Variants in SLC12A2 observed in about 807,000 individuals in gnomAD.
The protein encoded by SLC12A2 is Na-K-2Cl cotransporter 1.
SLC12A2 carries 67 observed loss-of-function variants against 136.3 expected under a neutral mutation model. That is an observed-to-expected ratio of 0.49 (90% confidence interval 0.40 to 0.60). The LOEUF (loss-of-function observed/expected upper bound fraction) is 0.60. Among genes scored for constraint, SLC12A2 ranks in the 20% least tolerant of loss-of-function variants. SLC12A2 has a pLI of 0.00. For missense variants in SLC12A2, 1,322 were observed against 1,534.7 expected (o/e 0.86, Z 2.32); for synonymous variants, 619 against 562.9 (o/e 1.10, Z -1.41).
chr5:128,177,865 G>A (rs939536917), intron 21 of SLC12A2, among the ~76,000 whole-genome samples: 2 of 152,018 alleles, frequency 1.3e-5, no homozygotes, highest in Non-Finnish European at 2.9e-5. Flanking sequence ...TTAACTCCTG[G>A]GAATATAAAT....
intron 4 of SLC12A2, among the ~76,000 whole-genome samples, chr5:128,116,100 CA>C (rs1349711164): frequency 3.3e-5 from 5 of 152,122 alleles, no homozygotes; most frequent in African/African-American, 4.8e-5. Context: ...CTCTCTGCCA[CA>C]ACTGGGGAAT....
At chr5:128,116,118 G>A (rs945348586) in intron 4 of SLC12A2, among the ~76,000 whole-genome samples, 5 of 152,154 alleles carry the variant, frequency 3.3e-5, no homozygotes, top group African/African-American at 1.2e-4. Context: ...GAATGAAAGT[G>A]GGAAGAGAAA....
intron 1 of SLC12A2, 100 bp from the exon 2 acceptor site, chr5:128,112,714 C>T: frequency 6.1e-6 from 5 of 825,618 alleles, no homozygotes; most frequent in South Asian, 2.0e-5. Context: ...TGTACTATGC[C>T]CTCTTAAATA....
At chr5:128,159,634 A>G (rs1331300777) in intron 16 of SLC12A2, among the ~76,000 whole-genome samples, 1 of 152,246 alleles carries the variant, frequency 6.6e-6, no homozygotes, top group Non-Finnish European at 1.5e-5. Context: ...AAACATATGA[A>G]AAAAAGCTCA....
intron 18 of SLC12A2, chr5:128,168,209 AC>A (rs1763264695): frequency 1.2e-5 from 2 of 164,512 alleles, no homozygotes; most frequent in African/African-American, 4.8e-5. Context: ...CAAATGTCAG[AC>A]CCATCACCTC....
rs535759253 is a variant in SLC12A2, at chr5:128,187,565, C to A, written c.*934C>A. 1 of 152,262 alleles carries A rather than the reference C, an allele frequency of 6.6e-6. No homozygotes were observed. The highest frequency in any genetic ancestry group is 1.9e-4 in the East Asian group (1 of 5,182). 9.4% of individuals were successfully genotyped at this position (152,262 alleles called of 1,614,324 possible). A position where few individuals can be genotyped will look rare whatever the true frequency, so the allele number is the denominator to read the frequency against. ...AACAATGTCATTTAGTAGAATATTT[C>A]AGTATTTAAGTGGAATTTCAGTATA... On this transcript the variant is annotated 3_prime_UTR_variant, in exon 27 of 27. Coordinates refer to ENST00000262461, the MANE Select transcript of SLC12A2 (RefSeq NM_001046.3).
At chr5:128,099,231 G>T (rs1760657895) in intron 1 of SLC12A2, among the ~76,000 whole-genome samples, 1 of 152,128 alleles carries the variant, frequency 6.6e-6, no homozygotes, top group Non-Finnish European at 1.5e-5. Flanking sequence ...GGTGTAGCCT[G>T]TTGCTTCTAG....
chr5:128,112,995 A>G, intron 2 of SLC12A2, 62 bp downstream of exon 2: 2 of 1,420,530 alleles, frequency 1.4e-6, no homozygotes, highest in African/African-American at 1.4e-5. Context: ...AAATCTTCCT[A>G]ACGTTCTCAT....
chr5:128,104,497 T>G (rs1760857212), intron 1 of SLC12A2, among the ~76,000 whole-genome samples: 1 of 152,016 alleles, frequency 6.6e-6, no homozygotes, highest in Non-Finnish European at 1.5e-5. Context: ...CCGGACGTGG[T>G]GGCAGGCACC....
chr5:128,152,055 G>A (rs1439929905), intron 14 of SLC12A2, among the ~76,000 whole-genome samples: 1 of 152,116 alleles, frequency 6.6e-6, no homozygotes, highest in Non-Finnish European at 1.5e-5. Context: ...GATGAGAAAG[G>A]CTTCATCTGG....
At chr5:128,110,917 A>G (rs1761119757) in intron 1 of SLC12A2, 1 of 981,492 alleles carries the variant, frequency 1.0e-6, no homozygotes, top group African/African-American at 1.6e-5. Flanking sequence ...CTGAGAGGGC[A>G]TGAAAAGGGT....
At chr5:128,148,624 C>G (rs1394199300) in intron 11 of SLC12A2, 130 bp from the exon 12 acceptor site, 2 of 663,036 alleles carry the variant, frequency 3.0e-6, no homozygotes, top group Non-Finnish European at 4.9e-6. Flanking sequence ...GAAGCAGTAT[C>G]TGGGACAGGA....
chr5:128,171,634 T>TG (rs1763378060), intron 18 of SLC12A2, 33 bp from the exon 19 acceptor site: 1 of 1,408,432 alleles, frequency 7.1e-7, no homozygotes, highest in Admixed American at 2.2e-5. Context: ...ATTTTTTTTT[T>TG]GGTTTTTTCA....
In SLC12A2 at chr5:128,184,416, A is replaced by G; in HGVS notation, c.3350A>G (p.Asp1117Gly). The G allele has an allele frequency of 6.2e-7, 1 of 1,601,386 alleles. No homozygotes were observed. The highest frequency in any genetic ancestry group is 8.5e-7 in the Non-Finnish European group (1 of 1,171,914). ...IIEPYRLHED[D>G]KEQDIADKMK... ...GAGCCATACAGACTTCATGAAGATG[A>G]TAAAGAGCAAGATATTGCAGATAAA... Residue 1117 changes from aspartate (D) to glycine (G), a missense_variant, in exon 25 of 27, where the codon GAT becomes GGT. Transcript: ENST00000262461.
At chr5:128,101,558 A>G (rs993514684) in intron 1 of SLC12A2, among the ~76,000 whole-genome samples, 10 of 152,200 alleles carry the variant, frequency 6.6e-5, no homozygotes, top group Admixed American at 1.3e-4. Flanking sequence ...CAAGAAAGTA[A>G]TACACTTTTG....
chr5:128,094,980 G>A (rs1334293345), intron 1 of SLC12A2, among the ~76,000 whole-genome samples: 3 of 152,106 alleles, frequency 2.0e-5, no homozygotes, highest in East Asian at 1.9e-4. Context: ...ATTAGATAGT[G>A]CTGTCAAGGG....
intron 1 of SLC12A2, among the ~76,000 whole-genome samples, chr5:128,105,671 T>A (rs1201862674): frequency 6.6e-6 from 1 of 152,126 alleles, no homozygotes; most frequent in Non-Finnish European, 1.5e-5. Flanking sequence ...AGGTGGAAAT[T>A]TGAATATACT....
chr5:128,088,376 A>G (rs577197336), intron 1 of SLC12A2, among the ~76,000 whole-genome samples: 1 of 152,268 alleles, frequency 6.6e-6, no homozygotes, highest in South Asian at 2.1e-4. Context: ...AAATCAAAGT[A>G]TGGATTTTTG....
intron 19 of SLC12A2, among the ~76,000 whole-genome samples, chr5:128,172,232 C>T (rs1428756651): frequency 6.6e-6 from 1 of 152,082 alleles, no homozygotes; most frequent in Non-Finnish European, 1.5e-5. Flanking sequence ...TTTATAGATT[C>T]ACAAGAAGTT....
Sources: allele counts gnomAD v4.1 joint callset (sites outside exome capture counted in the v4.1 genomes callset), GRCh38; gene constraint gnomAD v4.1.1; transcripts MANE v1.5; gene names NCBI Gene and HGNC (gene_info 2026-07-23, HGNC 2026-07-21).